The following SLC22A24 variants were observed in gnomAD, a reference collection of about 807,000 sequenced individuals.
The protein encoded by SLC22A24 is steroid transmembrane transporter SLC22A24.
A neutral mutation model predicts 49.8 loss-of-function variants in SLC22A24; 53 were observed. That is an observed-to-expected ratio of 1.06 (90% CI 0.85 to 1.34). The LOEUF (loss-of-function observed/expected upper bound fraction) is 1.34. Ranked by LOEUF, SLC22A24 falls within the 40% of genes most tolerant of loss-of-function variation. The probability of loss-of-function intolerance (pLI) is 0.00; values close to 1 mark genes in which losing one functional copy is unlikely to be tolerated. For missense variants in SLC22A24, 786 were observed against 675.9 expected (o/e 1.16, Z -1.81); for synonymous variants, 302 against 256.4 (o/e 1.18, Z -1.70).
chr11:63,140,696 T>C (rs1341219871), intron 1 of SLC22A24, among the ~76,000 whole-genome samples: 1 of 152,150 alleles, frequency 6.6e-6, no homozygotes, highest in Non-Finnish European at 1.5e-5. Context: ...AAAACAAAAG[T>C]AGCAAAGAGT....
intron 5 of SLC22A24, among the ~76,000 whole-genome samples, chr11:63,103,485 A>G (rs886279832): frequency 5.9e-5 from 9 of 152,146 alleles, no homozygotes; most frequent in African/African-American, 9.6e-5. Flanking sequence ...TCTTATCAAC[A>G]TCTAACAATA....
intron 4 of SLC22A24, among the ~76,000 whole-genome samples, chr11:63,108,082 A>G (rs926852092): frequency 1.3e-5 from 2 of 151,138 alleles, no homozygotes; most frequent in Non-Finnish European, 2.9e-5. Context: ...GTTATAAATA[A>G]CTCTTATTAT....
chr11:63,113,167 CATATATATACATATATATATACACAT>C (rs1565332233), intron 4 of SLC22A24, among the ~76,000 whole-genome samples: 26 of 2,190 alleles, frequency 0.012, 7 homozygotes, highest in African/African-American at 0.017. Context: ...TATATATACA[CATATATATACATATATATATACACAT>C]ATATATATAC....
Position 63,083,474 on chromosome 11 carries a change from G to A in SLC22A24, c.1071-17C>T, listed in dbSNP as rs1244918989. On this transcript the variant is annotated splice_polypyrimidine_tract_variant and intron_variant, in intron 6 of 9. Coordinates refer to ENST00000612278, the MANE Select transcript of SLC22A24 (RefSeq NM_001136506.2). ...ATTGCGAATCTGAAGTGAATAAAAA[G>A]GACAAAGACATATTCAATAAGATTT... is the stretch of plus-strand genomic sequence containing the variant. 2 of 1,531,382 alleles carry A rather than the reference G, an allele frequency of 1.3e-6. No homozygotes were observed. The allele number at this position is 1,531,382 out of a possible 1,614,324, so 94.9% of individuals were successfully genotyped here.
chr11:63,100,384 A>G (rs2087083239), intron 5 of SLC22A24, among the ~76,000 whole-genome samples: 1 of 152,182 alleles, frequency 6.6e-6, no homozygotes, highest in South Asian at 2.1e-4. Context: ...CTCTACAATG[A>G]AAACTATAAA....
At chr11:63,090,961 T>G (rs986010926) in intron 6 of SLC22A24, among the ~76,000 whole-genome samples, 1 of 152,034 alleles carries the variant, frequency 6.6e-6, no homozygotes, top group South Asian at 2.1e-4. Context: ...GATAGAGACA[T>G]GAAAAACCCT....
chr11:63,132,850 G>A (rs1337009832), intron 2 of SLC22A24, among the ~76,000 whole-genome samples: 1 of 152,158 alleles, frequency 6.6e-6, no homozygotes. Context: ...TGTCAGACAG[G>A]GATGTTTAAG....
At chr11:63,135,901 C>T (rs571261759) in intron 1 of SLC22A24, among the ~76,000 whole-genome samples, 32 of 152,228 alleles carry the variant, frequency 2.1e-4, no homozygotes, top group Admixed American at 1.6e-3. Context: ...GGCTGGCCAT[C>T]GGAAGTCAAC....
intron 5 of SLC22A24, among the ~76,000 whole-genome samples, chr11:63,101,560 T>A (rs1188412638): frequency 6.6e-6 from 1 of 151,948 alleles, no homozygotes; most frequent in African/African-American, 2.4e-5. Flanking sequence ...AGCCCAGGAG[T>A]TCCATATGAT....
intron 4 of SLC22A24, among the ~76,000 whole-genome samples, chr11:63,104,841 A>G (rs987779665): frequency 2.0e-5 from 3 of 152,114 alleles, no homozygotes; most frequent in African/African-American, 7.2e-5. Flanking sequence ...TTCAAAACCA[A>G]TTATGCCTTC....
intron 5 of SLC22A24, among the ~76,000 whole-genome samples, chr11:63,098,698 AAAACT>A (rs1350805989): frequency 4.3e-5 from 6 of 141,004 alleles, no homozygotes; most frequent in African/African-American, 7.4e-5. Context: ...AACAAATAAA[AAAACT>A]AAACAATCTA....
intron 2 of SLC22A24, among the ~76,000 whole-genome samples, chr11:63,128,204 T>C (rs1002643967): frequency 3.9e-5 from 6 of 151,966 alleles, no homozygotes; most frequent in Admixed American, 3.3e-4. Context: ...CATAGAGAGA[T>C]AGGAGCTGAA....
Position 63,143,608 on chromosome 11 carries a change from T to C in SLC22A24, c.172A>G (p.Thr58Ala). 6.3e-7 allele frequency: 1 copy of C among 1,576,480 alleles called. No homozygotes were observed. The highest frequency in any genetic ancestry group is 8.6e-7 in the Non-Finnish European group (1 of 1,162,730). Reference sequence around the variant, plus strand: ...GTCCCGGTATCATTGTCAGACACAGTGTCATTGTCCAGGAGGGGGACCCAG... The same window carrying C: ...GTCCCGGTATCATTGTCAGACACAGCGTCATTGTCCAGGAGGGGGACCCAG... ...RCWVPLLDND[T>A]VSDNDTGTLS... The change falls in exon 1 of 10, where the codon ACT (threonine) becomes GCT (alanine). Residue 58 changes from threonine (T) to alanine (A), a missense_variant. Physicochemically the swap from Thr to Ala is moderately conservative, Grantham distance 58. Transcript: ENST00000612278.
At chr11:63,108,718 A>C (rs1223978750) in intron 4 of SLC22A24, among the ~76,000 whole-genome samples, 2 of 151,664 alleles carry the variant, frequency 1.3e-5, no homozygotes, top group Admixed American at 1.3e-4. Context: ...GTTTATTTGC[A>C]TAGAGGTGTT....
chr11:63,123,797 C>A (rs1447346263), intron 2 of SLC22A24, among the ~76,000 whole-genome samples: 1 of 152,180 alleles, frequency 6.6e-6, no homozygotes, highest in East Asian at 1.9e-4. Context: ...TTTTACAAAT[C>A]CAACTCTATC....
intron 6 of SLC22A24, among the ~76,000 whole-genome samples, chr11:63,089,351 T>C (rs1390471714): frequency 6.6e-6 from 1 of 152,126 alleles, no homozygotes; most frequent in East Asian, 1.9e-4. Flanking sequence ...ACAAAACCCT[T>C]TCCAGACAAG....
At chr11:63,128,855 G>A (rs1156806312) in intron 2 of SLC22A24, among the ~76,000 whole-genome samples, 2 of 152,148 alleles carry the variant, frequency 1.3e-5, no homozygotes, top group Non-Finnish European at 2.9e-5. Context: ...CGTCTTGGTG[G>A]TAGTGGTCCC....
chr11:63,140,331 C>T (rs762113823), intron 1 of SLC22A24, among the ~76,000 whole-genome samples: 12 of 152,168 alleles, frequency 7.9e-5, no homozygotes, highest in South Asian at 2.1e-4. Flanking sequence ...CTGCCCACCT[C>T]GGCCTCCCAA....
chr11:63,081,156 G>A (rs770334494), intron 8 of SLC22A24, 33 bp from the exon 9 acceptor site: 2 of 1,508,582 alleles, frequency 1.3e-6, no homozygotes, highest in African/African-American at 1.4e-5. Flanking sequence ...AAAAAATCTT[G>A]TATGAATCTG....
Sources: allele counts gnomAD v4.1 joint callset (sites outside exome capture counted in the v4.1 genomes callset), GRCh38; gene constraint gnomAD v4.1.1; transcripts MANE v1.5; gene names NCBI Gene and HGNC (gene_info 2026-07-23, HGNC 2026-07-21).